XPO5: variants seen among roughly 807,000 people sequenced by gnomAD.
The protein encoded by XPO5 is exportin-5.
XPO5 carries 46 observed loss-of-function variants against 160.6 expected under a neutral mutation model. The ratio of observed to expected loss-of-function variants is 0.29; its 90% CI spans 0.23 to 0.37. The LOEUF is 0.37. Ranked by LOEUF, XPO5 falls within the 10% of genes least tolerant of loss-of-function variation. XPO5 has a pLI of 1.00. For synonymous variants in XPO5, 537 were observed against 519.3 expected (o/e 1.03, Z -0.46); for missense variants, 1,090 against 1,463.9 (o/e 0.74, Z 4.17).
At chr6:43,539,565 C>T in intron 20 of XPO5, 8 of 1,374,104 alleles carry the variant, frequency 5.8e-6, no homozygotes, top group Non-Finnish European at 8.1e-6. Flanking sequence ...GCTCCGCGGC[C>T]TCAGCCCCGG....
In XPO5 at chr6:43,529,350, G is replaced by GT. The variant is rs143794012; in HGVS notation, c.2678-426_2678-425insA. 911 of 450,808 alleles carry GT rather than the reference G, an allele frequency of 2.0e-3. 7 individuals are homozygous for GT. Among genetic ancestry groups the GT allele is most frequent in the African/African-American group, 0.018 (776 of 42,480 alleles). 27.9% of individuals were successfully genotyped at this position (450,808 alleles called of 1,614,324 possible). ...GGGGTCAAGAGAGCGAGACCATCCT[G>GT]GCTAACATGGTGAAACCCCGTCTCT... On this transcript the variant is annotated intron_variant, in intron 23 of 31. Transcript: ENST00000265351.
intron 26 of XPO5, chr6:43,527,067 G>GAAAATTAACAGCCTCCATGTCCAAGA (rs1793643184): frequency 3.7e-6 from 1 of 270,384 alleles, no homozygotes; most frequent in Non-Finnish European, 7.1e-6. Context: ...AAAATAAAAA[G>GAAAATTAACAGCCTCCATGTCCAAGA]AAAATTAACA....
chr6:43,563,264 T>G (rs2127747530), intron 8 of XPO5, among the ~76,000 whole-genome samples: 1 of 152,318 alleles, frequency 6.6e-6, no homozygotes, highest in African/African-American at 2.4e-5. Flanking sequence ...TAGCTGGGAC[T>G]ATAAAGCGCA....
intron 20 of XPO5, among the ~76,000 whole-genome samples, chr6:43,545,297 C>T (rs1794908075): frequency 6.6e-6 from 1 of 152,168 alleles, no homozygotes; most frequent in Non-Finnish European, 1.5e-5. Context: ...GGTGTCTATT[C>T]CCAGGAGAGT....
In XPO5 at chr6:43,547,671, C is replaced by G. The variant is rs1271429033; in HGVS notation, c.2097G>C (p.Val699=). ...GGTCACAGCTCTTCTGATCTGTACC[C>G]ACATACGCAATGAAAGCATCAACAT... ...LSDVDAFIAY[V]GTDQKSCDPG... Residue 699 remains valine, a synonymous_variant, in exon 19 of 32, where the codon GTG becomes GTC. Transcript: ENST00000265351. 1 of 1,613,892 alleles carries G rather than the reference C, an allele frequency of 6.2e-7. No individual in the cohort carries two copies. The highest frequency in any genetic ancestry group is 8.5e-7 in the Non-Finnish European group (1 of 1,179,890).
In XPO5 at chr6:43,560,997, G is replaced by C; in HGVS notation, c.1022C>G (p.Ser341Cys). Residue 341 changes from serine (S) to cysteine (C), a missense_variant, in exon 10 of 32, where the codon TCT (serine) becomes TGT (cysteine). Ser to Cys is a moderately radical substitution (Grantham distance 112). This residue lies in a region of XPO5 where 810 missense variants were observed against 1,139.0 expected (regional missense o/e 0.71). Coordinates refer to ENST00000265351, the MANE Select transcript of XPO5 (RefSeq NM_020750.3). ...NQLCALLGAD[S>C]DVETPSNFGK... ...AAAGTTTGATGGTGTTTCTACATCA[G>C]AATCTGCACCCTGTAGGAGAAGACC... is the stretch of plus-strand genomic sequence containing the variant. The C allele has an allele frequency of 1.2e-6, 2 of 1,613,764 alleles. No individual in the cohort carries two copies. The highest frequency in any genetic ancestry group is 1.7e-6 in the Non-Finnish European group (2 of 1,179,684).
At chr6:43,575,544 AC>A (rs1194865735) in intron 1 of XPO5, among the ~76,000 whole-genome samples, 2 of 152,110 alleles carry the variant, frequency 1.3e-5, no homozygotes, top group Non-Finnish European at 2.9e-5. Flanking sequence ...CAGCATAGGG[AC>A]CGGAGTGTCC....
At chr6:43,553,296 C>T (rs932015234) in intron 14 of XPO5, 77 bp downstream of exon 14, 48 of 1,492,844 alleles carry the variant, frequency 3.2e-5, no homozygotes, top group Admixed American at 1.5e-4. Flanking sequence ...AGAGATATAG[C>T]GTCCCAAAAT....
At position 43,525,201 on chromosome 6, in the gene XPO5, G is replaced by A. The variant is rs527438448; in HGVS notation, c.3080C>T (p.Ala1027Val). 7.0e-5 allele frequency: 111 copies of A among 1,577,312 alleles called. No individual in the cohort carries two copies. The highest frequency in any genetic ancestry group is 8.6e-5 in the Non-Finnish European group (100 of 1,160,592). ...CLMKHEDVCTALLITAFNSLA... is the reference protein window; with the variant it reads ...CLMKHEDVCTVLLITAFNSLA... ...GGAATTGAAGGCTGTAATTAATAGCGCTGTACAAACATCCTGAACAGGAAA... is the reference window on the plus strand; with the variant it reads ...GGAATTGAAGGCTGTAATTAATAGCACTGTACAAACATCCTGAACAGGAAA... Residue 1027 changes from alanine (A) to valine (V), a missense_variant, in exon 29 of 32, where the codon GCG (alanine) becomes GTG (valine). Coordinates refer to ENST00000265351, the MANE Select transcript of XPO5 (RefSeq NM_020750.3).
chr6:43,529,183 T>TA (rs1443755566), intron 23 of XPO5: 6 of 1,465,406 alleles, frequency 4.1e-6, no homozygotes, highest in East Asian at 3.0e-5. Context: ...AAAGTAGGAA[T>TA]AAAAAAATAG....
In XPO5 at chr6:43,528,908, G is replaced by C. The variant is rs1561864716; in HGVS notation, c.2695C>G (p.Leu899Val). The C allele has an allele frequency of 6.2e-7, 1 of 1,613,200 alleles. No individual in the cohort carries two copies. The highest frequency in any genetic ancestry group is 2.2e-5 in the East Asian group (1 of 44,874). Residue 899 changes from leucine (L) to valine (V), a missense_variant, in exon 24 of 32, where the codon CTG becomes GTG. By Grantham distance (32) the Leu-to-Val change is conservative. Coordinates refer to ENST00000265351, the MANE Select transcript of XPO5 (RefSeq NM_020750.3). ...RPMLRVFVKP[L>V]VLFCPPEHYE... is the part of the protein sequence containing the mutation. ...TGCTCTGGGGGACAGAAGAGCACCA[G>C]AGGCTTTACAAAGACACGTGCTGCA...
intron 5 of XPO5, among the ~76,000 whole-genome samples, chr6:43,569,356 G>A (rs1365850310): frequency 6.6e-6 from 1 of 151,564 alleles, no homozygotes; most frequent in Admixed American, 6.6e-5. Flanking sequence ...CAGAATAGTG[G>A]CTATTCAGTG....
chr6:43,564,576 T>C (rs563392041), intron 8 of XPO5, among the ~76,000 whole-genome samples: 1 of 152,266 alleles, frequency 6.6e-6, no homozygotes, highest in African/African-American at 2.4e-5. Context: ...AACTTTAGCT[T>C]ACTGTAACTT....
intron 6 of XPO5, 68 bp from the exon 7 acceptor site, chr6:43,567,422 C>T (rs1024373044): frequency 2.9e-5 from 41 of 1,394,202 alleles, no homozygotes; most frequent in Non-Finnish European, 3.9e-5. Context: ...GTGGTTATAA[C>T]TGAACTCCCA....
chr6:43,537,585 T>C (rs930270400), intron 20 of XPO5, among the ~76,000 whole-genome samples: 2 of 152,206 alleles, frequency 1.3e-5, no homozygotes, highest in Non-Finnish European at 2.9e-5. Flanking sequence ...TACAAACATG[T>C]GGAGACTTAC....
rs1297944790 is a variant in XPO5, at chr6:43,522,530, GAAAC to G, written c.*1334_*1337del. The G allele has an allele frequency of 4.1e-6, 1 of 241,208 alleles. No homozygotes were observed. The highest frequency in any genetic ancestry group is 5.1e-5 in the Admixed American group (1 of 19,502). 14.9% of individuals were successfully genotyped at this position (241,208 alleles called of 1,614,324 possible). A position where few individuals can be genotyped will look rare whatever the true frequency, so the allele number is the denominator to read the frequency against. On this transcript the variant is annotated 3_prime_UTR_variant, in exon 32 of 32. Transcript: ENST00000265351. ...AATAGGCAGCTATCAGGTTTGGAGG[GAAAC>G]ACTCTTGAGATCGCCTTCACGATCC...
intron 14 of XPO5, among the ~76,000 whole-genome samples, chr6:43,552,769 G>A (rs1795310787): frequency 6.6e-6 from 1 of 152,178 alleles, no homozygotes; most frequent in South Asian, 2.1e-4. Context: ...TACTGATACA[G>A]TTGAGGCTCT....
At chr6:43,557,783 T>A (rs1385444769) in intron 12 of XPO5, among the ~76,000 whole-genome samples, 6 of 87,236 alleles carry the variant, frequency 6.9e-5, no homozygotes, top group East Asian at 3.5e-4. Flanking sequence ...AATAAAGCTG[T>A]AAAAAAAAAA....
Position 43,546,606 on chromosome 6 carries a change from A to T in XPO5, c.2307T>A (p.Ile769=). The T allele has an allele frequency of 1.2e-6, 2 of 1,612,336 alleles. No individual in the cohort carries two copies. The highest frequency in any genetic ancestry group is 2.2e-5 in the South Asian group (2 of 90,516). Residue 769 remains isoleucine (I), a synonymous_variant, in exon 20 of 32, where the codon ATT becomes ATA. Transcript: ENST00000265351. ...CAAGCAAATTGTCAAGAAGTTTCAG[A>T]ATCTGCTCTGTGCAGGGGTTACGGA... The part of the protein sequence containing the change: ...PIFRNPCTEQ[I]LKLLDNLLAL...
Sources: allele counts gnomAD v4.1 joint callset (sites outside exome capture counted in the v4.1 genomes callset), GRCh38; gene constraint gnomAD v4.1.1; regional missense constraint gnomAD v4.1.1; transcripts MANE v1.5; gene names NCBI Gene and HGNC (gene_info 2026-07-23, HGNC 2026-07-21).